COLEC12: variants seen among roughly 807,000 people sequenced by gnomAD.
The protein encoded by COLEC12 is collectin-12.
Under a neutral mutation model 71.1 loss-of-function variants are expected in COLEC12, and 33 were observed. The ratio of observed to expected loss-of-function variants is 0.46; its 90% confidence interval spans 0.35 to 0.62. The LOEUF is 0.62. COLEC12 is among the 20% of genes least tolerant of loss of function. The pLI is 0.00. For missense variants in COLEC12, 765 were observed against 916.1 expected, an observed-to-expected ratio of 0.84 and a Z score of 2.13; for synonymous variants, 350 against 353.0, an observed-to-expected ratio of 0.99 and a Z score of 0.10.
chr18:345,593 A>G (rs1456583672), intron 5 of COLEC12, among the ~76,000 whole-genome samples: 2 of 152,188 alleles, frequency 1.3e-5, no homozygotes, highest in African/African-American at 4.8e-5. Context: ...GTGATGGCCA[A>G]CCATTCATCT....
At chr18:481,453 C>T (rs1329876353) in intron 1 of COLEC12, among the ~76,000 whole-genome samples, 1 of 152,176 alleles carries the variant, frequency 6.6e-6, no homozygotes, top group African/African-American at 2.4e-5. Flanking sequence ...GGCTGTAATC[C>T]CAGGACTTTG....
chr18:412,876 C>A (rs1243926714), intron 2 of COLEC12, among the ~76,000 whole-genome samples: 1 of 151,974 alleles, frequency 6.6e-6, no homozygotes, highest in Non-Finnish European at 1.5e-5. Context: ...TTCAGATAAC[C>A]CACTGGCAGG....
At chr18:365,930 C>A (rs12457415) in intron 2 of COLEC12, among the ~76,000 whole-genome samples, 1 of 151,902 alleles carries the variant, frequency 6.6e-6, no homozygotes, top group Non-Finnish European at 1.5e-5. Flanking sequence ...CTACTCCCCC[C>A]ACCCCAAGTT....
intron 2 of COLEC12, among the ~76,000 whole-genome samples, chr18:368,470 T>C (rs1309982769): frequency 6.6e-6 from 1 of 151,126 alleles, no homozygotes; most frequent in Non-Finnish European, 1.5e-5. Context: ...GCTACTTGGG[T>C]GGCTGAGGCA....
chr18:480,940 G>C lies in COLEC12; in HGVS notation c.8-183C>G, dbSNP rs549061879. Among the ~76,000 whole-genome samples, 2 of 152,198 alleles carry C rather than the reference G, an allele frequency of 1.3e-5. No individual in the cohort carries two copies. Among genetic ancestry groups the C allele is most frequent in the South Asian group, 2.1e-4 (1 of 4,818 alleles). On this transcript the variant is annotated intron_variant, in intron 1 of 9. Coordinates refer to ENST00000400256, the MANE Select transcript of COLEC12 (RefSeq NM_130386.3). This position sits in a 1 kb window ranked among gnomAD's most constrained non-coding sequence, Gnocchi z 4.1. ...TCCACCCTGGCTGCTCCTGCTGCTT[G>C]GGATGCACTTCCTCTGTTCCTAATG... is the stretch of plus-strand genomic sequence containing the variant.
chr18:353,981 T>A (rs1266276094), intron 3 of COLEC12, among the ~76,000 whole-genome samples: 1 of 152,232 alleles, frequency 6.6e-6, no homozygotes, highest in Non-Finnish European at 1.5e-5. Context: ...CAAAGTAGAC[T>A]ACCAGTGACT....
chr18:441,192 G>A (rs1044119689), intron 2 of COLEC12, among the ~76,000 whole-genome samples: 2 of 149,752 alleles, frequency 1.3e-5, no homozygotes, highest in Non-Finnish European at 3.0e-5. Flanking sequence ...AGCTTGCAGT[G>A]AGCCGAGATT....
chr18:360,165 A>G (rs970742599), intron 2 of COLEC12, among the ~76,000 whole-genome samples: 1 of 150,636 alleles, frequency 6.6e-6, no homozygotes, highest in Non-Finnish European at 1.5e-5. Context: ...AAGGGACCTG[A>G]GAATTTGGAT....
At chr18:340,074 C>CAAAAAAAAAAAAAAAAAA (rs60991743) in intron 5 of COLEC12, among the ~76,000 whole-genome samples, 12 of 94,214 alleles carry the variant, frequency 1.3e-4, no homozygotes, top group Non-Finnish European at 1.8e-4. Flanking sequence ...TGCCTGAAAG[C>CAAAAAAAAAAAAAAAAAA]AAAAAAAAAA....
At chr18:324,410 A>G (rs1032547096) in intron 8 of COLEC12, among the ~76,000 whole-genome samples, 10 of 152,288 alleles carry the variant, frequency 6.6e-5, no homozygotes, top group Non-Finnish European at 8.8e-5. Flanking sequence ...CAGCACATAC[A>G]TATACTTGGA....
At chr18:457,863 G>T (rs1598370854) in intron 2 of COLEC12, among the ~76,000 whole-genome samples, 1 of 152,226 alleles carries the variant, frequency 6.6e-6, no homozygotes, top group South Asian at 2.1e-4. Context: ...TAGTGCTTAC[G>T]ATTGAGGAGA....
At chr18:465,132 G>T (rs1357622758) in intron 2 of COLEC12, among the ~76,000 whole-genome samples, 1 of 152,170 alleles carries the variant, frequency 6.6e-6, no homozygotes, top group Non-Finnish European at 1.5e-5. Flanking sequence ...TTGAGAAAGG[G>T]TGTCACTCTC....
intron 1 of COLEC12, among the ~76,000 whole-genome samples, chr18:498,377 T>TTTTTTTTG (rs1178071975): frequency 2.2e-5 from 3 of 138,308 alleles, no homozygotes; most frequent in Admixed American, 7.4e-5. Context: ...TTTTTTTTTT[T>TTTTTTTTG]AGACGGAGTC....
At chr18:417,632 G>T (rs935126208) in intron 2 of COLEC12, among the ~76,000 whole-genome samples, 7 of 152,146 alleles carry the variant, frequency 4.6e-5, no homozygotes, top group African/African-American at 1.7e-4. Context: ...GATCATCATG[G>T]GAAGTGGACA....
rs548763168 is a variant in COLEC12 at position 489,918 on chromosome 18, T to C, written c.8-9161A>G. Among the ~76,000 whole-genome samples the C allele has an allele frequency of 1.1e-4, 16 of 152,278 alleles. No homozygotes were observed. The East Asian group carries it at 2.7e-3, about 26-fold the overall frequency. ...AAGTGAAGCAAGAGCACTGTAAGCA[T>C]GTCACGGAGAGATACGGGGGCCATG... On this transcript the variant is annotated intron_variant, in intron 1 of 9. Transcript: ENST00000400256.
chr18:450,426 TG>T (rs1916737869), intron 2 of COLEC12, among the ~76,000 whole-genome samples: 1 of 152,122 alleles, frequency 6.6e-6, no homozygotes, highest in South Asian at 2.1e-4. Context: ...TGAGATCTGG[TG>T]GTTTACAAGT....
At position 319,186 on chromosome 18, in the gene COLEC12, T is replaced by C. The variant is rs1404867934; in HGVS notation, c.*859A>G. On this transcript the variant is annotated 3_prime_UTR_variant, in exon 10 of 10. Transcript: ENST00000400256. ...TCTGGTCAGGCACACGTCAAGAATG[T>C]TGGCTGGTGATGGGCTCAAGGCAGG... 6.6e-6 allele frequency: 1 copy of C among 151,930 alleles called. No homozygotes were observed. Among genetic ancestry groups the C allele is most frequent in the African/African-American group, 2.4e-5 (1 of 41,350 alleles). 9.4% of individuals were successfully genotyped at this position (151,930 alleles called of 1,614,324 possible).
At chr18:459,948 G>T (rs534333003) in intron 2 of COLEC12, among the ~76,000 whole-genome samples, 5 of 152,064 alleles carry the variant, frequency 3.3e-5, no homozygotes, top group African/African-American at 1.2e-4. Flanking sequence ...ACTTCCCAGG[G>T]GTACTGCCCT....
intron 1 of COLEC12, among the ~76,000 whole-genome samples, chr18:497,385 T>G (rs7234488): frequency 1.1e-3 from 98 of 86,372 alleles, no homozygotes; most frequent in East Asian, 1.6e-3. Flanking sequence ...AAGAATGGGG[T>G]GTGTGTGTGT....
Sources: gnomAD v4.1 joint callset for allele counts (sites outside exome capture counted in the v4.1 genomes callset) on GRCh38, gnomAD v4.1.1 for gene constraint, Gnocchi (gnomAD v3.1) non-coding constraint, MANE v1.5 for transcripts, NCBI Gene and HGNC (gene_info 2026-07-23, HGNC 2026-07-21) for gene names.